Variants in ANKRD44 observed in about 807,000 individuals in gnomAD.
ANKRD44 encodes serine/threonine-protein phosphatase 6 regulatory ankyrin repeat subunit B.
Under a neutral mutation model 116.0 loss-of-function variants are expected in ANKRD44, and 35 were observed. The observed-to-expected ratio is 0.30, with a 90% CI of 0.23 to 0.40. ANKRD44 has a LOEUF of 0.40. Ranked by LOEUF, ANKRD44 falls within the 10% of genes least tolerant of loss-of-function variation. ANKRD44 has a pLI of 1.00. For missense variants in ANKRD44, 1,014 were observed against 1,242.6 expected, an observed-to-expected ratio of 0.82 and a Z score of 2.77; for synonymous variants, 435 against 461.8, an observed-to-expected ratio of 0.94 and a Z score of 0.74.
Position 197,190,938 on chromosome 2 carries a change from A to G in ANKRD44, c.28-3832T>C, listed in dbSNP as rs2125618895. ...ATAACACGAGTGCTTTGTGTACAGT[A>G]GGGTACAGAGTTGAATAAATACAAA... On this transcript the variant is annotated intron_variant, in intron 1 of 27. Coordinates refer to ENST00000282272, the MANE Select transcript of ANKRD44 (RefSeq NM_001195144.2). 2.0e-5 allele frequency among the ~76,000 whole-genome samples: 3 copies of G among 152,320 alleles called. No homozygotes were observed. The South Asian group carries it at 6.2e-4, about 32-fold the overall frequency.
At chr2:197,029,341 AT>A in intron 16 of ANKRD44, 1 of 252,788 alleles carries the variant, frequency 4.0e-6, no homozygotes. Flanking sequence ...TGAGTTTCAG[AT>A]TTTTCATGGC....
At chr2:197,274,708 C>T (rs184098681) in intron 1 of ANKRD44, among the ~76,000 whole-genome samples, 1 of 152,176 alleles carries the variant, frequency 6.6e-6, no homozygotes, top group Non-Finnish European at 1.5e-5. Flanking sequence ...TTCTAGAGAA[C>T]CCAACCTGCA....
At chr2:197,269,286 G>GA (rs2082828135) in intron 1 of ANKRD44, among the ~76,000 whole-genome samples, 1 of 152,150 alleles carries the variant, frequency 6.6e-6, no homozygotes, top group African/African-American at 2.4e-5. Context: ...GTTTGAATAT[G>GA]GAGATAGGAG....
intron 15 of ANKRD44, among the ~76,000 whole-genome samples, chr2:197,081,264 A>G (rs1300595689): frequency 6.6e-6 from 1 of 152,180 alleles, no homozygotes; most frequent in Admixed American, 6.5e-5. Flanking sequence ...AAGACCTTTT[A>G]AAATAGAATC....
intron 17 of ANKRD44, among the ~76,000 whole-genome samples, chr2:197,018,996 C>T (rs932084413): frequency 3.3e-5 from 5 of 152,296 alleles, no homozygotes; most frequent in African/African-American, 7.2e-5. Context: ...CTAAATCTCA[C>T]GCTTTTAGGT....
chr2:197,245,807 A>G (rs2082179060), intron 1 of ANKRD44, among the ~76,000 whole-genome samples: 1 of 152,266 alleles, frequency 6.6e-6, no homozygotes. Flanking sequence ...CTGATCAAAT[A>G]AAAGCTCAAC....
At chr2:197,139,118 T>A (rs1385053460) in intron 3 of ANKRD44, among the ~76,000 whole-genome samples, 1 of 152,092 alleles carries the variant, frequency 6.6e-6, no homozygotes, top group Non-Finnish European at 1.5e-5. Context: ...TGGGAAACAA[T>A]GTGGCATTAT....
At chr2:197,058,516 A>C (rs556663074) in intron 16 of ANKRD44, among the ~76,000 whole-genome samples, 45 of 152,272 alleles carry the variant, frequency 3.0e-4, no homozygotes, top group African/African-American at 1.0e-3. Context: ...AAGTTTAAGA[A>C]GATCAGAAAC....
chr2:197,211,287 G>A (rs1238168034), intron 1 of ANKRD44, among the ~76,000 whole-genome samples: 1 of 152,196 alleles, frequency 6.6e-6, no homozygotes, highest in African/African-American at 2.4e-5. Context: ...AGACAACCCA[G>A]GGATGTTGTG....
intron 3 of ANKRD44, among the ~76,000 whole-genome samples, chr2:197,139,323 C>T (rs1051530737): frequency 6.6e-6 from 1 of 152,154 alleles, no homozygotes; most frequent in African/African-American, 2.4e-5. Context: ...TGGAATTCTA[C>T]ACTGTCATGG....
At chr2:197,168,297 T>G (rs574722658) in intron 2 of ANKRD44, among the ~76,000 whole-genome samples, 36 of 152,208 alleles carry the variant, frequency 2.4e-4, no homozygotes, top group Non-Finnish European at 5.0e-4. Flanking sequence ...CACTAAACTT[T>G]GGGGTGGTTT....
chr2:197,012,023 G>C (rs927894818), intron 18 of ANKRD44, among the ~76,000 whole-genome samples: 6 of 152,076 alleles, frequency 3.9e-5, no homozygotes, highest in African/African-American at 1.4e-4. Context: ...TCTCATACTC[G>C]TCCTGGCTCT....
chr2:197,298,931 AAGAG>A (rs949772141), intron 1 of ANKRD44, among the ~76,000 whole-genome samples: 3 of 152,098 alleles, frequency 2.0e-5, no homozygotes, highest in African/African-American at 4.8e-5. Context: ...AAAAAAAAGA[AAGAG>A]AGAGAAAATG....
chr2:197,042,490 C>T (rs775198513), intron 16 of ANKRD44, among the ~76,000 whole-genome samples: 12 of 150,446 alleles, frequency 8.0e-5, no homozygotes, highest in Non-Finnish European at 1.3e-4. Context: ...CATCTGCCCC[C>T]TCCACTACTA....
At chr2:196,998,781 C>G in intron 24 of ANKRD44, 126 bp downstream of exon 24, 1 of 1,340,774 alleles carries the variant, frequency 7.5e-7, no homozygotes, top group Middle Eastern at 2.7e-4. Context: ...AATCAGGTGA[C>G]TTAAGTAAAA....
At chr2:197,068,839 C>T (rs1166786892) in intron 16 of ANKRD44, among the ~76,000 whole-genome samples, 4 of 152,204 alleles carry the variant, frequency 2.6e-5, no homozygotes, top group Non-Finnish European at 4.4e-5. Flanking sequence ...AACACTTTTA[C>T]ACTGTTGGTG....
At chr2:197,304,701 A>G (rs2084017278) in intron 1 of ANKRD44, among the ~76,000 whole-genome samples, 1 of 152,200 alleles carries the variant, frequency 6.6e-6, no homozygotes, top group Non-Finnish European at 1.5e-5. Flanking sequence ...TGTACAACAT[A>G]TGTCACTTCT....
intron 2 of ANKRD44, among the ~76,000 whole-genome samples, chr2:197,178,943 C>T (rs141656700): frequency 3.7e-4 from 57 of 152,232 alleles, no homozygotes; most frequent in African/African-American, 1.3e-3. Context: ...CAGTGGCTCA[C>T]GCCTGTAATC....
At chr2:197,196,593 T>C (rs1431848271) in intron 1 of ANKRD44, among the ~76,000 whole-genome samples, 1 of 152,146 alleles carries the variant, frequency 6.6e-6, no homozygotes, top group Non-Finnish European at 1.5e-5. Context: ...AAATGAAAGG[T>C]ACTCTCAGAA....
Sources: gnomAD v4.1 joint callset for allele counts (sites outside exome capture counted in the v4.1 genomes callset) on GRCh38, gnomAD v4.1.1 for gene constraint, MANE v1.5 for transcripts, NCBI Gene and HGNC (gene_info 2026-07-23, HGNC 2026-07-21) for gene names.